Variants in LEMD3 observed in about 807,000 individuals in gnomAD.
The protein encoded by LEMD3 is LEM domain containing 3.
A neutral mutation model predicts 95.2 loss-of-function variants in LEMD3; 33 were observed. The ratio of observed to expected loss-of-function variants is 0.35; its 90% confidence interval spans 0.26 to 0.46. LEMD3 has a LOEUF of 0.46. Among genes scored for constraint, LEMD3 ranks in the 20% least tolerant of loss-of-function variants. The pLI, the probability that LEMD3 is intolerant of heterozygous loss-of-function variation, is 1.00. For synonymous variants in LEMD3, 525 were observed against 474.6 expected, an observed-to-expected ratio of 1.11 and a Z score of -1.38; for missense variants, 1,210 against 1,192.8, an observed-to-expected ratio of 1.01 and a Z score of -0.21.
intron 2 of LEMD3, among the ~76,000 whole-genome samples, chr12:65,212,409 C>A (rs773928172): frequency 6.6e-6 from 1 of 151,934 alleles, no homozygotes; most frequent in Non-Finnish European, 1.5e-5. Context: ...TGGTGGCAGG[C>A]GCCTGTAGTC....
At chr12:65,224,009 A>G (rs770260398) in intron 4 of LEMD3, among the ~76,000 whole-genome samples, 1 of 151,908 alleles carries the variant, frequency 6.6e-6, no homozygotes, top group African/African-American at 2.4e-5. Flanking sequence ...ACTTTTTTAT[A>G]TCTCTCTTCA....
chr12:65,241,070 A>T lies in LEMD3; in HGVS notation c.2288A>T (p.Lys763Ile). The T allele has an allele frequency of 6.2e-7, 1 of 1,613,884 alleles. No individual in the cohort carries two copies. Among genetic ancestry groups the T allele is most frequent in the Non-Finnish European group, 8.5e-7 (1 of 1,179,796 alleles). ...GACAAAATATTAGTTATACCTTCTAAAGTATGGCAAGGTCAAGGTATGTAT... is the reference window on the plus strand; with the variant it reads ...GACAAAATATTAGTTATACCTTCTATAGTATGGCAAGGTCAAGGTATGTAT... Reference protein sequence around the residue: ...SCDKILVIPSKVWQGQAFHLD... With the variant: ...SCDKILVIPSIVWQGQAFHLD... The change falls in exon 9 of 13, where the codon AAA (lysine) becomes ATA (isoleucine). Residue 763 changes from lysine (K) to isoleucine (I), a missense_variant. Lys to Ile is a moderately radical substitution (Grantham distance 102). Around this residue, in one of 2 missense-constraint regions of LEMD3, gnomAD observed 461 missense variants for 569.8 expected, o/e 0.81. Coordinates refer to ENST00000308330, the MANE Select transcript of LEMD3 (RefSeq NM_014319.5).
At chr12:65,235,598 TATAAG>T (rs1416871155) in intron 4 of LEMD3, among the ~76,000 whole-genome samples, 1 of 152,104 alleles carries the variant, frequency 6.6e-6, no homozygotes, top group Non-Finnish European at 1.5e-5. Context: ...TATTAGGTGT[TATAAG>T]TAATCTAGAA....
chr12:65,218,442 T>G, intron 3 of LEMD3, 110 bp from the exon 4 acceptor site: 1 of 584,158 alleles, frequency 1.7e-6, no homozygotes, highest in Non-Finnish European at 3.0e-6. Context: ...CTGATTATAA[T>G]AATATAACCT....
intron 1 of LEMD3, among the ~76,000 whole-genome samples, chr12:65,177,766 C>G (rs1868769723): frequency 1.3e-5 from 2 of 151,078 alleles, no homozygotes; most frequent in Non-Finnish European, 2.9e-5. Flanking sequence ...GTAGACTAGC[C>G]AAAAGGTCCC....
chr12:65,233,102 A>G (rs1054788455), intron 4 of LEMD3, among the ~76,000 whole-genome samples: 3 of 152,190 alleles, frequency 2.0e-5, no homozygotes, highest in Non-Finnish European at 4.4e-5. Flanking sequence ...GAATGATCCA[A>G]CAAGATAGGT....
rs74101714 is a variant in LEMD3, at chr12:65,188,305, G to A, written c.1522+17187G>A. On this transcript the variant is annotated intron_variant, in intron 1 of 12. Coordinates refer to ENST00000308330, the MANE Select transcript of LEMD3 (RefSeq NM_014319.5). ...ATGGAAACTGAGAGCAGCTGAAGGC[G>A]GGGAGAGATAGCCTAGTAAACTTTA... Among the ~76,000 whole-genome samples the A allele has an allele frequency of 9.5e-3, 1,447 of 152,152 alleles. 26 individuals are homozygous for A. The highest frequency in any genetic ancestry group is 0.034 in the African/African-American group (1,396 of 41,510).
chr12:65,243,706 A>G (rs1361437221), intron 10 of LEMD3, among the ~76,000 whole-genome samples: 8 of 152,242 alleles, frequency 5.3e-5, no homozygotes, highest in Non-Finnish European at 1.2e-4. Context: ...ATGAATCGTC[A>G]TAGCAGATAG....
At position 65,246,629 on chromosome 12, in the gene LEMD3, A is replaced by C; in HGVS notation, c.*304A>C. The C allele has an allele frequency of 5.7e-6, 2 of 351,162 alleles. No homozygotes were observed. Among genetic ancestry groups the C allele is most frequent in the Non-Finnish European group, 1.1e-5 (2 of 187,964 alleles). 21.8% of individuals were successfully genotyped at this position (351,162 alleles called of 1,614,324 possible). The stretch of plus-strand genomic sequence containing the variant: ...TGGTGGTTGTATTTTTGCCCCAAGA[A>C]GTGTTTGGATAACCACACAAAAGCA... On this transcript the variant is annotated 3_prime_UTR_variant, in exon 13 of 13. Coordinates refer to ENST00000308330, the MANE Select transcript of LEMD3 (RefSeq NM_014319.5).
Position 65,169,824 on chromosome 12 carries a change from C to T in LEMD3, c.228C>T (p.Val76=). 6.7e-7 allele frequency: 1 copy of T among 1,484,392 alleles called. No individual in the cohort carries two copies. The highest frequency in any genetic ancestry group is 9.0e-7 in the Non-Finnish European group (1 of 1,115,366). The allele number at this position is 1,484,392 out of a possible 1,614,324, so 92.0% of individuals were successfully genotyped here. A position where few individuals can be genotyped will look rare whatever the true frequency, so the allele number is the denominator to read the frequency against. ...ACAATAACACGGCAGCCGCCACGGT[C>T]GCAGCCGCGGGACCAGCGGCGGCGG... is the stretch of plus-strand genomic sequence containing the variant. ...SNNNNTAAAT[V]AAAGPAAAAA... is the part of the protein sequence containing the mutation. The change falls in exon 1 of 13, where the codon GTC becomes GTT. Residue 76 remains valine (V), a synonymous_variant. Transcript: ENST00000308330.
chr12:65,208,149 T>C (rs1869820617), intron 1 of LEMD3, among the ~76,000 whole-genome samples: 1 of 152,096 alleles, frequency 6.6e-6, no homozygotes, highest in East Asian at 1.9e-4. Context: ...ATTAAGGACC[T>C]TTACAAAGAA....
chr12:65,224,500 C>T (rs1334238247), intron 4 of LEMD3, among the ~76,000 whole-genome samples: 1 of 151,980 alleles, frequency 6.6e-6, no homozygotes, highest in South Asian at 2.1e-4. Flanking sequence ...ATGTACTGCT[C>T]CCCCCTCCCC....
rs558538184 is a variant in LEMD3 at position 65,208,017 on chromosome 12, T to G, written c.1523-2909T>G. Among the ~76,000 whole-genome samples, 6 of 152,254 alleles carry G rather than the reference T, an allele frequency of 3.9e-5. No individual in the cohort carries two copies. The East Asian group carries it at 1.2e-3, about 29-fold the overall frequency. On this transcript the variant is annotated intron_variant, in intron 1 of 12. Transcript: ENST00000308330. ...TTATAAGAAATTATCACAAGATAAT[T>G]TGTTCCTTGCAACAAGGTGTGATTA... is the stretch of plus-strand genomic sequence containing the variant.
At chr12:65,220,609 A>G (rs1445861702) in intron 4 of LEMD3, among the ~76,000 whole-genome samples, 3 of 151,982 alleles carry the variant, frequency 2.0e-5, no homozygotes, top group South Asian at 4.1e-4. Context: ...TTTGTTGCCT[A>G]TGCTTTTGGT....
chr12:65,197,178 A>G (rs1420823597), intron 1 of LEMD3, among the ~76,000 whole-genome samples: 1 of 152,142 alleles, frequency 6.6e-6, no homozygotes, highest in Non-Finnish European at 1.5e-5. Flanking sequence ...GCTCCATTTT[A>G]CAGAGCTCAG....
In LEMD3 at chr12:65,233,839, C is replaced by G. The variant is rs535069720; in HGVS notation, c.1696-4663C>G. Among the ~76,000 whole-genome samples the G allele has an allele frequency of 5.9e-5, 9 of 152,226 alleles. No individual in the cohort carries two copies. The South Asian group carries it at 1.9e-3, about 32-fold the overall frequency. ...CATCTGATGTGGGTTTTAAAGTACA[C>G]ATTTTTGACCCACGATTTTGAAAAT... On this transcript the variant is annotated intron_variant, in intron 4 of 12. Transcript: ENST00000308330.
chr12:65,172,044 G>A (rs896585117), intron 1 of LEMD3: 7 of 152,370 alleles, frequency 4.6e-5, no homozygotes, highest in African/African-American at 1.4e-4. Flanking sequence ...CAGCCTTGTG[G>A]AGAAACAGTA....
intron 1 of LEMD3, among the ~76,000 whole-genome samples, chr12:65,200,777 A>C (rs1869574834): frequency 6.6e-6 from 1 of 152,012 alleles, no homozygotes; most frequent in African/African-American, 2.4e-5. Context: ...TTATTCTCTT[A>C]ACAGTGTCTT....
chr12:65,202,764 C>A (rs1358171032), intron 1 of LEMD3, among the ~76,000 whole-genome samples: 1 of 152,102 alleles, frequency 6.6e-6, no homozygotes, highest in Non-Finnish European at 1.5e-5. Flanking sequence ...GTTGTGTCTT[C>A]TGTGAGTTTT....
Sources: allele counts gnomAD v4.1 joint callset (sites outside exome capture counted in the v4.1 genomes callset), GRCh38; gene constraint gnomAD v4.1.1; regional missense constraint gnomAD v4.1.1; transcripts MANE v1.5; gene names NCBI Gene and HGNC (gene_info 2026-07-23, HGNC 2026-07-21).